TSHZ2: variants seen among roughly 807,000 people sequenced by gnomAD.
The protein encoded by TSHZ2 is teashirt homolog 2.
A neutral mutation model predicts 74.4 loss-of-function variants in TSHZ2; 21 were observed. That is an observed-to-expected ratio of 0.28 (90% CI 0.20 to 0.41). TSHZ2 has a LOEUF of 0.41. Among genes scored for constraint, TSHZ2 ranks in the 10% least tolerant of loss-of-function variants. The pLI, the probability that TSHZ2 is intolerant of heterozygous loss-of-function variation, is 1.00. For missense variants in TSHZ2, 1,244 were observed against 1,293.5 expected (o/e 0.96, Z 0.59); for synonymous variants, 540 against 515.3 (o/e 1.05, Z -0.65).
intron 1 of TSHZ2, among the ~76,000 whole-genome samples, chr20:53,153,202 G>T (rs1451158175): frequency 6.6e-6 from 1 of 152,224 alleles, no homozygotes; most frequent in Non-Finnish European, 1.5e-5. Flanking sequence ...CATAGCCCCT[G>T]ACACATCCTA....
Position 53,492,810 on chromosome 20 carries a change from G to A in TSHZ2, c.*5675G>A, listed in dbSNP as rs1320719826. 1 of 152,082 alleles carries A rather than the reference G, an allele frequency of 6.6e-6. No homozygotes were observed. Among genetic ancestry groups the A allele is most frequent in the Non-Finnish European group, 1.5e-5 (1 of 68,006 alleles). The allele number at this position is 152,082 out of a possible 1,614,324, so 9.4% of individuals were successfully genotyped here. On this transcript the variant is annotated 3_prime_UTR_variant, in exon 3 of 3. Transcript: ENST00000371497. ...CTTTTAGAAAGGGCAGGGGGGAAGT[G>A]GGTCAGAGCAAGGTTCAAGAATCAC...
At chr20:53,171,177 C>A (rs1988192814) in intron 1 of TSHZ2, among the ~76,000 whole-genome samples, 1 of 152,206 alleles carries the variant, frequency 6.6e-6, no homozygotes, top group South Asian at 2.1e-4. Flanking sequence ...CTGTTTCCAA[C>A]AGAACCTGTC....
intron 2 of TSHZ2, among the ~76,000 whole-genome samples, chr20:53,357,534 A>G (rs1356484447): frequency 3.3e-5 from 5 of 152,170 alleles, no homozygotes; most frequent in Non-Finnish European, 7.3e-5. Flanking sequence ...TAAATAAAAT[A>G]ACCCCCAATT....
In TSHZ2 at chr20:53,463,437, G is replaced by A. The variant is rs376815588; in HGVS notation, c.*9-23707G>A. Among the ~76,000 whole-genome samples, 612 of 76,558 alleles carry A rather than the reference G, an allele frequency of 8.0e-3. 2 individuals are homozygous for A. Among genetic ancestry groups the A allele is most frequent in the East Asian group, 9.6e-3 (22 of 2,282 alleles). The allele number at this position is 76,558 out of a possible 152,430, so 50.2% of individuals were successfully genotyped here. ...AAGGAAGGAAGGAAGGAAGGAAGGA[G>A]GGAGGGAGGGAAGGAAGGAAGGAAG... On this transcript the variant is annotated intron_variant, in intron 2 of 2. Coordinates refer to ENST00000371497, the MANE Select transcript of TSHZ2 (RefSeq NM_173485.6).
At chr20:53,321,102 A>G (rs1979240945) in intron 2 of TSHZ2, among the ~76,000 whole-genome samples, 1 of 152,144 alleles carries the variant, frequency 6.6e-6, no homozygotes, top group Non-Finnish European at 1.5e-5. Context: ...ACCACAATAC[A>G]CCATCACTCT....
chr20:53,029,955 T>C (rs1389328173), intron 1 of TSHZ2, among the ~76,000 whole-genome samples: 1 of 152,216 alleles, frequency 6.6e-6, no homozygotes, highest in African/African-American at 2.4e-5. Context: ...GATGATATCC[T>C]GTGAGCTGCA....
intron 2 of TSHZ2, among the ~76,000 whole-genome samples, chr20:53,417,416 C>A (rs893749642): frequency 6.6e-6 from 1 of 152,148 alleles, no homozygotes; most frequent in Non-Finnish European, 1.5e-5. Context: ...CCTGCCGCAG[C>A]CTCCCAGGTA....
intron 1 of TSHZ2, among the ~76,000 whole-genome samples, chr20:53,026,049 G>T (rs906075885): frequency 6.6e-6 from 1 of 152,136 alleles, no homozygotes; most frequent in South Asian, 2.1e-4. Flanking sequence ...TTTGTCATTT[G>T]TTTTTCCTCT....
chr20:53,374,013 G>T (rs999551072), intron 2 of TSHZ2, among the ~76,000 whole-genome samples: 3 of 152,150 alleles, frequency 2.0e-5, no homozygotes, highest in Admixed American at 6.5e-5. Context: ...AGATTCAGGG[G>T]TACATGTGCA....
chr20:53,011,261 A>G (rs8124120), intron 1 of TSHZ2, among the ~76,000 whole-genome samples: 2,978 of 152,330 alleles, frequency 0.02, 43 homozygotes, highest in African/African-American at 0.037. Context: ...AGTCTGCCAT[A>G]TCTCAAGAGC....
chr20:53,025,972 G>A (rs540204946), intron 1 of TSHZ2, among the ~76,000 whole-genome samples: 3 of 152,288 alleles, frequency 2.0e-5, no homozygotes, highest in African/African-American at 7.2e-5. Context: ...GAGCCCGTTA[G>A]GATTGCAGGA....
intron 2 of TSHZ2, among the ~76,000 whole-genome samples, chr20:53,386,292 G>T (rs1171682594): frequency 6.6e-6 from 1 of 152,222 alleles, no homozygotes; most frequent in Non-Finnish European, 1.5e-5. Flanking sequence ...CTTCCTGGGG[G>T]AATATTCCTC....
intron 2 of TSHZ2, among the ~76,000 whole-genome samples, chr20:53,405,441 C>T (rs764842454): frequency 5.3e-5 from 8 of 152,076 alleles, no homozygotes; most frequent in Non-Finnish European, 8.8e-5. Flanking sequence ...AGGTAGAAAA[C>T]GAACTCCTTT....
intron 2 of TSHZ2, among the ~76,000 whole-genome samples, chr20:53,428,788 TCTCATTCCTGGAATCATAAA>T (rs1229031211): frequency 6.6e-6 from 1 of 152,146 alleles, no homozygotes; most frequent in Non-Finnish European, 1.5e-5. Flanking sequence ...CACAGAGCCG[TCTCATTCCTGGAATCATAAA>T]AATGTCATGC....
intron 1 of TSHZ2, among the ~76,000 whole-genome samples, chr20:53,145,610 A>G (rs1012516639): frequency 6.6e-6 from 1 of 152,176 alleles, no homozygotes; most frequent in African/African-American, 2.4e-5. Flanking sequence ...TGTAGAACAC[A>G]CACCTCAGAG....
At chr20:53,387,053 G>C (rs1303702243) in intron 2 of TSHZ2, among the ~76,000 whole-genome samples, 1 of 152,076 alleles carries the variant, frequency 6.6e-6, no homozygotes, top group Non-Finnish European at 1.5e-5. Flanking sequence ...CTGGAAACAT[G>C]ACCACCACTT....
chr20:53,457,338 C>G, intron 2 of TSHZ2, among the ~76,000 whole-genome samples: 1 of 121,588 alleles, frequency 8.2e-6, no homozygotes, highest in Non-Finnish European at 1.6e-5. Flanking sequence ...TGGGAGTTCA[C>G]TCATGATTTG....
chr20:53,321,238 G>A (rs1467920837), intron 2 of TSHZ2, among the ~76,000 whole-genome samples: 2 of 151,918 alleles, frequency 1.3e-5, no homozygotes, highest in Non-Finnish European at 2.9e-5. Context: ...TCCATCTTTA[G>A]CAAAATTAAA....
intron 1 of TSHZ2, among the ~76,000 whole-genome samples, chr20:53,187,858 T>C (rs968602479): frequency 2.0e-5 from 3 of 152,126 alleles, no homozygotes; most frequent in East Asian, 1.9e-4. Context: ...CAGTAAAGTG[T>C]GGCTGTCTCT....
Sources: gnomAD v4.1 joint callset for allele counts (sites outside exome capture counted in the v4.1 genomes callset) on GRCh38, gnomAD v4.1.1 for gene constraint, MANE v1.5 for transcripts, NCBI Gene and HGNC (gene_info 2026-07-23, HGNC 2026-07-21) for gene names.